Variants in DIS3L2 observed in about 807,000 individuals in gnomAD.
The protein encoded by DIS3L2 is DIS3 like 3'-5' exoribonuclease 2.
A neutral mutation model predicts 97.5 loss-of-function variants in DIS3L2; 34 were observed. The ratio of observed to expected loss-of-function variants is 0.35; its 90% CI spans 0.27 to 0.46. The LOEUF (loss-of-function observed/expected upper bound fraction) is 0.46. Ranked by LOEUF, DIS3L2 falls within the 20% of genes least tolerant of loss-of-function variation. The pLI, the probability that DIS3L2 is intolerant of heterozygous loss-of-function variation, is 1.00. For missense variants in DIS3L2, 1,038 were observed against 1,146.0 expected, an observed-to-expected ratio of 0.91 and a Z score of 1.36; for synonymous variants, 435 against 445.2, an observed-to-expected ratio of 0.98 and a Z score of 0.29.
chr2:232,241,128 A>C lies in DIS3L2; in HGVS notation c.1317+2483A>C, dbSNP rs1414852281. Among the ~76,000 whole-genome samples, 10 of 152,188 alleles carry C rather than the reference A, an allele frequency of 6.6e-5. No individual in the cohort carries two copies. The East Asian group carries it at 1.7e-3, about 26-fold the overall frequency. ...TGGACAGCAGCAGCTGTGCGCTCTGATTCCTTTGAACCGCTGCTCTGACCT... is the reference window on the plus strand; with the variant it reads ...TGGACAGCAGCAGCTGTGCGCTCTGCTTCCTTTGAACCGCTGCTCTGACCT... On this transcript the variant is annotated intron_variant, in intron 11 of 20. Coordinates refer to ENST00000325385, the MANE Select transcript of DIS3L2 (RefSeq NM_152383.5).
intron 1 of DIS3L2, among the ~76,000 whole-genome samples, chr2:232,005,406 C>T (rs1011680194): frequency 3.3e-5 from 5 of 152,098 alleles, no homozygotes; most frequent in African/African-American, 1.2e-4. Flanking sequence ...GTCCCTTCTT[C>T]AGCTCTCTCC....
At chr2:232,157,371 G>A (rs1397753346) in intron 8 of DIS3L2, among the ~76,000 whole-genome samples, 1 of 152,148 alleles carries the variant, frequency 6.6e-6, no homozygotes, top group Non-Finnish European at 1.5e-5. Context: ...AATGCATCCT[G>A]GAGGATGGCA....
At chr2:232,187,136 C>T (rs1262760894) in intron 9 of DIS3L2, among the ~76,000 whole-genome samples, 3 of 151,954 alleles carry the variant, frequency 2.0e-5, no homozygotes, top group African/African-American at 7.3e-5. Flanking sequence ...CACAAATGGT[C>T]ACTAAGCATA....
intron 5 of DIS3L2, among the ~76,000 whole-genome samples, chr2:232,039,690 A>C (rs1695056356): frequency 6.6e-6 from 1 of 152,178 alleles, no homozygotes; most frequent in Non-Finnish European, 1.5e-5. Flanking sequence ...AATGAAAGAT[A>C]GTTGAGGGGC....
chr2:232,029,872 C>T (rs990667198), intron 4 of DIS3L2, 107 bp from the exon 5 acceptor site: 7 of 776,902 alleles, frequency 9.0e-6, no homozygotes, highest in African/African-American at 7.1e-5. Context: ...AAAGGATAAC[C>T]TAAGAATAAC....
At chr2:232,014,652 G>A (rs776799371) in intron 1 of DIS3L2, among the ~76,000 whole-genome samples, 183 bp from the exon 2 acceptor site, 1 of 152,204 alleles carries the variant, frequency 6.6e-6, no homozygotes, top group Non-Finnish European at 1.5e-5. Context: ...ACCTGTGAGG[G>A]TGAAGGCCTT....
At chr2:232,090,993 C>T (rs557220874) in intron 6 of DIS3L2, among the ~76,000 whole-genome samples, 12 of 152,280 alleles carry the variant, frequency 7.9e-5, no homozygotes, top group African/African-American at 2.2e-4. Context: ...TCTTTGAGGA[C>T]GACTACACAG....
At chr2:232,043,382 G>A (rs1398238438) in intron 5 of DIS3L2, among the ~76,000 whole-genome samples, 1 of 152,146 alleles carries the variant, frequency 6.6e-6, no homozygotes, top group Non-Finnish European at 1.5e-5. Context: ...CCAACCACAA[G>A]AGGACCAGGA....
intron 5 of DIS3L2, among the ~76,000 whole-genome samples, chr2:232,072,727 C>A (rs775227540): frequency 6.6e-6 from 1 of 151,066 alleles, no homozygotes; most frequent in Non-Finnish European, 1.5e-5. Context: ...GAGACTAAAC[C>A]AGGATGGTGG....
rs948139879 is a variant in DIS3L2 at position 231,971,641 on chromosome 2, T to G, written c.-94+9876T>G. Among the ~76,000 whole-genome samples, 21 of 151,674 alleles carry G rather than the reference T, an allele frequency of 1.4e-4. No individual in the cohort carries two copies. The East Asian group carries it at 2.6e-3, about 19-fold the overall frequency. On this transcript the variant is annotated intron_variant, in intron 1 of 20. Transcript: ENST00000325385. ...TTTGTGTATTTTTAGTAGAGACGGG[T>G]TTCACCGTGTTAGCCAGGATGGTCT... is the stretch of plus-strand genomic sequence containing the variant.
intron 1 of DIS3L2, among the ~76,000 whole-genome samples, chr2:231,993,355 A>G (rs1470550686): frequency 1.3e-5 from 2 of 152,144 alleles, no homozygotes; most frequent in African/African-American, 2.4e-5. Flanking sequence ...CTGGGACTGC[A>G]GGTGTGAGCC....
At chr2:232,049,966 C>A (rs1695354323) in intron 5 of DIS3L2, among the ~76,000 whole-genome samples, 1 of 152,094 alleles carries the variant, frequency 6.6e-6, no homozygotes, top group Admixed American at 6.5e-5. Flanking sequence ...TTTCCTTTTG[C>A]TTGTAGCCAG....
chr2:232,260,576 A>G (rs1463909295), intron 12 of DIS3L2: 1 of 152,258 alleles, frequency 6.6e-6, no homozygotes, highest in East Asian at 1.9e-4. Context: ...GGATAGTGGT[A>G]GTTCTTGGAA....
At chr2:232,338,432 T>C (rs1224296440), downstream of DIS3L2, among the ~76,000 whole-genome samples, 2 of 152,164 alleles carry the variant, frequency 1.3e-5, no homozygotes, top group Non-Finnish European at 2.9e-5. Flanking sequence ...CAGAGTTTCT[T>C]CAGAGAGCCT....
At chr2:232,030,975 A>G (rs552658330) in intron 5 of DIS3L2, among the ~76,000 whole-genome samples, 47 of 152,268 alleles carry the variant, frequency 3.1e-4, no homozygotes, top group South Asian at 2.3e-3. Flanking sequence ...AGTAGTGACT[A>G]AAAGTATGGG....
At chr2:232,258,617 AAAAGG>A (rs1424240050) in intron 12 of DIS3L2, among the ~76,000 whole-genome samples, 3 of 150,828 alleles carry the variant, frequency 2.0e-5, no homozygotes, top group African/African-American at 4.9e-5. Context: ...AAAAAAAAAA[AAAAGG>A]AAAGAGGAAA....
chr2:232,164,185 C>A (rs1489553400), intron 9 of DIS3L2, among the ~76,000 whole-genome samples: 1 of 152,182 alleles, frequency 6.6e-6, no homozygotes, highest in Non-Finnish European at 1.5e-5. Flanking sequence ...TGAGAAGTGC[C>A]TTCCTTTAAA....
At chr2:232,089,408 T>G (rs1696770841) in intron 6 of DIS3L2, among the ~76,000 whole-genome samples, 1 of 152,232 alleles carries the variant, frequency 6.6e-6, no homozygotes, top group South Asian at 2.1e-4. Context: ...CCTTGACATT[T>G]TATTCTTGCG....
At chr2:232,132,936 A>T (rs1464275751) in intron 7 of DIS3L2, among the ~76,000 whole-genome samples, 3 of 152,166 alleles carry the variant, frequency 2.0e-5, no homozygotes, top group Non-Finnish European at 4.4e-5. Flanking sequence ...TGGCCACAAC[A>T]TGCAGTCAAG....
Sources: gnomAD v4.1 joint callset for allele counts (sites outside exome capture counted in the v4.1 genomes callset) on GRCh38, gnomAD v4.1.1 for gene constraint, MANE v1.5 for transcripts, NCBI Gene and HGNC (gene_info 2026-07-23, HGNC 2026-07-21) for gene names.